TMTC2: variants seen among roughly 807,000 people sequenced by gnomAD.
The protein encoded by TMTC2 is transmembrane O-mannosyltransferase targeting cadherins 2.
TMTC2 carries 43 observed loss-of-function variants against 82.4 expected under a neutral mutation model. The ratio of observed to expected loss-of-function variants is 0.52; its 90% confidence interval spans 0.41 to 0.67. The LOEUF (loss-of-function observed/expected upper bound fraction) is 0.67. TMTC2 is among the 30% of genes least tolerant of loss of function. TMTC2 has a pLI of 0.00. For synonymous variants in TMTC2, 408 were observed against 381.9 expected (o/e 1.07, Z -0.80); for missense variants, 919 against 1,012.4 (o/e 0.91, Z 1.25).
intron 1 of TMTC2, among the ~76,000 whole-genome samples, chr12:82,842,828 A>AT (rs909692881): frequency 6.6e-6 from 1 of 151,762 alleles, no homozygotes; most frequent in South Asian, 2.1e-4. Context: ...GTGTGTCCAA[A>AT]TTTTTTTTCT....
Position 83,109,413 on chromosome 12 carries a change from A to G in TMTC2, c.2332-22797A>G, listed in dbSNP as rs552980065. Among the ~76,000 whole-genome samples, 7 of 152,334 alleles carry G rather than the reference A, an allele frequency of 4.6e-5. No homozygotes were observed. In the East Asian group the frequency reaches 1.4e-3, roughly 29 times the overall value. On this transcript the variant is annotated intron_variant, in intron 11 of 11. Coordinates refer to ENST00000321196, the MANE Select transcript of TMTC2 (RefSeq NM_152588.3). ...CCAACACTGGGAATTACAATTAGACATGGGATCTGGGTAGGAACACAGATC... is the reference window on the plus strand; with the variant it reads ...CCAACACTGGGAATTACAATTAGACGTGGGATCTGGGTAGGAACACAGATC...
chr12:82,752,341 C>T (rs1876058060), intron 1 of TMTC2, among the ~76,000 whole-genome samples: 1 of 151,846 alleles, frequency 6.6e-6, no homozygotes, highest in Admixed American at 6.6e-5. Context: ...AAAAAATTCG[C>T]CAGGTCTGGT....
intron 3 of TMTC2, among the ~76,000 whole-genome samples, chr12:82,926,228 C>A (rs1875709622): frequency 6.6e-6 from 1 of 152,170 alleles, no homozygotes; most frequent in Non-Finnish European, 1.5e-5. Context: ...ATCCGCCTGC[C>A]TCAGCCTCCC....
At chr12:82,989,624 A>T (rs1184720764) in intron 8 of TMTC2, among the ~76,000 whole-genome samples, 2 of 151,912 alleles carry the variant, frequency 1.3e-5, no homozygotes, top group African/African-American at 4.8e-5. Context: ...ATGATTCTGT[A>T]TATGCTTAGA....
chr12:82,698,535 C>G (rs1173932961), intron 1 of TMTC2, among the ~76,000 whole-genome samples: 1 of 152,168 alleles, frequency 6.6e-6, no homozygotes, highest in Non-Finnish European at 1.5e-5. Context: ...ACATTAAGTA[C>G]AGCTGTCCCC....
chr12:82,701,862 G>A (rs1016652370), intron 1 of TMTC2, among the ~76,000 whole-genome samples: 8 of 151,820 alleles, frequency 5.3e-5, no homozygotes, highest in African/African-American at 1.9e-4. Flanking sequence ...AAGAAAATAT[G>A]TATTAACTTA....
chr12:82,876,932 G>C (rs1197473301), intron 2 of TMTC2, among the ~76,000 whole-genome samples: 1 of 152,102 alleles, frequency 6.6e-6, no homozygotes, highest in Non-Finnish European at 1.5e-5. Flanking sequence ...GTGCCCAACA[G>C]TGCTCAGTTA....
chr12:83,116,298 G>A lies in TMTC2; in HGVS notation c.2332-15912G>A, dbSNP rs140583245. Among the ~76,000 whole-genome samples the A allele has an allele frequency of 2.2e-4, 34 of 151,956 alleles. No individual in the cohort carries two copies. In the East Asian group the frequency reaches 2.9e-3, roughly 13 times the overall value. ...GTAGTATTCCATTGTGTGTGTGTGT[G>A]TATATATATATACCACAGTTTCTTT... On this transcript the variant is annotated intron_variant, in intron 11 of 11. Transcript: ENST00000321196.
At chr12:82,837,145 T>C (rs1040410046) in intron 1 of TMTC2, among the ~76,000 whole-genome samples, 6 of 152,262 alleles carry the variant, frequency 3.9e-5, no homozygotes, top group Admixed American at 1.3e-4. Flanking sequence ...TTTGGACATA[T>C]GGTCCACTTT....
chr12:82,776,659 C>T (rs1361939482), intron 1 of TMTC2, among the ~76,000 whole-genome samples: 1 of 151,044 alleles, frequency 6.6e-6, no homozygotes, highest in Non-Finnish European at 1.5e-5. Context: ...ATGGCACATG[C>T]CTCTAGTCCC....
At chr12:82,708,176 C>A (rs1281269502) in intron 1 of TMTC2, among the ~76,000 whole-genome samples, 1 of 152,178 alleles carries the variant, frequency 6.6e-6, no homozygotes, top group Non-Finnish European at 1.5e-5. Context: ...TATTTACTAT[C>A]TGGCCCTTAA....
At chr12:82,872,393 A>G (rs1454052975) in intron 2 of TMTC2, among the ~76,000 whole-genome samples, 5 of 152,230 alleles carry the variant, frequency 3.3e-5, no homozygotes, top group African/African-American at 1.2e-4. Flanking sequence ...CACCTACTCT[A>G]CATGGTGTTT....
intron 8 of TMTC2, among the ~76,000 whole-genome samples, chr12:83,019,170 AC>A (rs1400337343): frequency 1.4e-5 from 2 of 147,702 alleles, no homozygotes; most frequent in African/African-American, 2.5e-5. Context: ...AAAAAAAAAA[AC>A]ATACACATTA....
At chr12:83,047,745 G>T (rs756896738) in intron 9 of TMTC2, among the ~76,000 whole-genome samples, 4 of 152,144 alleles carry the variant, frequency 2.6e-5, no homozygotes, top group Admixed American at 6.5e-5. Flanking sequence ...GTTCCATGTA[G>T]TTTTTGGAAA....
At chr12:82,786,019 T>C (rs935898331) in intron 1 of TMTC2, among the ~76,000 whole-genome samples, 11 of 152,122 alleles carry the variant, frequency 7.2e-5, no homozygotes, top group African/African-American at 2.4e-4. Flanking sequence ...CTACAGTCTT[T>C]TAAGTGTTTT....
At chr12:83,036,478 C>CT (rs1332894300) in intron 9 of TMTC2, among the ~76,000 whole-genome samples, 1,137 of 103,144 alleles carry the variant, frequency 0.011, 7 homozygotes, top group African/African-American at 0.024. Context: ...GTCCCCGAGT[C>CT]TTTTTTTTTT....
At chr12:82,714,598 T>A (rs1283717659) in intron 1 of TMTC2, among the ~76,000 whole-genome samples, 1 of 152,196 alleles carries the variant, frequency 6.6e-6, no homozygotes, top group Non-Finnish European at 1.5e-5. Flanking sequence ...CTGTTCCTGA[T>A]CTCTTTCAGG....
At chr12:82,876,156 A>ATGATGGTGATTAGTATTCATAATG (rs1872560887) in intron 2 of TMTC2, among the ~76,000 whole-genome samples, 1 of 114,932 alleles carries the variant, frequency 8.7e-6, no homozygotes, top group African/African-American at 4.9e-5. Flanking sequence ...TGGTGGTGGT[A>ATGATGGTGATTAGTATTCATAATG]GTGGTGGTAG....
chr12:82,818,542 C>T (rs540159923), intron 1 of TMTC2, among the ~76,000 whole-genome samples: 1 of 152,212 alleles, frequency 6.6e-6, no homozygotes, highest in East Asian at 1.9e-4. Flanking sequence ...GTGAACAAGG[C>T]TGTAGGTGAA....
Sources: allele counts gnomAD v4.1 joint callset (sites outside exome capture counted in the v4.1 genomes callset), GRCh38; gene constraint gnomAD v4.1.1; transcripts MANE v1.5; gene names NCBI Gene and HGNC (gene_info 2026-07-23, HGNC 2026-07-21).